Variants in BMPR1A observed in about 807,000 individuals in gnomAD.
BMPR1A encodes bone morphogenetic protein receptor type-1A.
In BMPR1A, 7 loss-of-function variants were observed where a neutral mutation model predicts 66.0. The observed-to-expected ratio is 0.11, with a 90% CI of 0.06 to 0.20. The LOEUF (loss-of-function observed/expected upper bound fraction) is 0.20, where lower values mean the gene tolerates loss of function less well. BMPR1A is among the 10% of genes least tolerant of loss of function. The pLI is 1.00. For synonymous variants in BMPR1A, 200 were observed against 229.7 expected (o/e 0.87, Z 1.17); for missense variants, 408 against 669.1 (o/e 0.61, Z 4.31).
intron 2 of BMPR1A, among the ~76,000 whole-genome samples, chr10:86,850,980 C>T (rs539911232): frequency 2.0e-5 from 3 of 152,210 alleles, no homozygotes; most frequent in Non-Finnish European, 2.9e-5. Flanking sequence ...GTAAACTTAG[C>T]GCTGAACTAT....
intron 7 of BMPR1A, 140 bp from the exon 8 acceptor site, chr10:86,912,100 G>C: frequency 1.1e-6 from 1 of 872,692 alleles, no homozygotes; most frequent in Non-Finnish European, 1.8e-6. Context: ...TATTTAACAG[G>C]ATATATTATC....
At chr10:86,860,880 C>T (rs1297949222) in intron 2 of BMPR1A, among the ~76,000 whole-genome samples, 2 of 148,818 alleles carry the variant, frequency 1.3e-5, no homozygotes, top group Admixed American at 6.6e-5. Flanking sequence ...CTCGCTCTGC[C>T]GCCCAGGCTG....
At chr10:86,854,342 C>T (rs1374012930) in intron 2 of BMPR1A, among the ~76,000 whole-genome samples, 1 of 152,162 alleles carries the variant, frequency 6.6e-6, no homozygotes, top group African/African-American at 2.4e-5. Flanking sequence ...TTACAGGGTC[C>T]TGAGGTGACA....
chr10:86,912,312 A>G lies in BMPR1A; in HGVS notation c.603A>G (p.Pro201=), dbSNP rs2133545231. ...RDLEQDEAFI[P]VGESLKDLID... Reference sequence around the variant, plus strand: ...TGGAACAGGATGAAGCATTTATTCCAGTTGGAGAATCACTAAAAGACCTTA... The same window carrying G: ...TGGAACAGGATGAAGCATTTATTCCGGTTGGAGAATCACTAAAAGACCTTA... The change falls in exon 8 of 13, where the codon CCA becomes CCG. Residue 201 remains proline, a synonymous_variant. Coordinates refer to ENST00000372037, the MANE Select transcript of BMPR1A (RefSeq NM_004329.3). 2 of 1,614,020 alleles carry G rather than the reference A, an allele frequency of 1.2e-6. No homozygotes were observed. Among genetic ancestry groups the G allele is most frequent in the East Asian group, 2.2e-5 (1 of 44,836 alleles).
At chr10:86,804,801 T>G (rs1040448313) in intron 1 of BMPR1A, among the ~76,000 whole-genome samples, 1 of 150,232 alleles carries the variant, frequency 6.7e-6, no homozygotes, top group Admixed American at 6.6e-5. Context: ...TGTTTTTTTT[T>G]TTTTTTTTTT....
At chr10:86,851,155 C>T (rs927387972) in intron 2 of BMPR1A, among the ~76,000 whole-genome samples, 39 of 152,230 alleles carry the variant, frequency 2.6e-4, no homozygotes, top group Admixed American at 1.0e-3. Flanking sequence ...ATTTTGGGAA[C>T]GAAGTTCTTG....
chr10:86,882,951 G>A (rs528857850), intron 3 of BMPR1A, among the ~76,000 whole-genome samples: 5 of 151,814 alleles, frequency 3.3e-5, no homozygotes, highest in East Asian at 1.9e-4. Flanking sequence ...CAACAGGAGC[G>A]AAAACGCCAT....
At chr10:86,761,289 CTTTTATAG>C (rs924122208) in intron 1 of BMPR1A, among the ~76,000 whole-genome samples, 25 of 152,194 alleles carry the variant, frequency 1.6e-4, no homozygotes, top group Middle Eastern at 3.4e-3. Context: ...CTTTGTTACT[CTTTTATAG>C]TTTTATATTT....
At chr10:86,759,162 A>G (rs893812049) in intron 1 of BMPR1A, among the ~76,000 whole-genome samples, 3 of 152,210 alleles carry the variant, frequency 2.0e-5, no homozygotes, top group Non-Finnish European at 4.4e-5. Context: ...CAGATTGTGA[A>G]GGATGAGCAA....
intron 1 of BMPR1A, among the ~76,000 whole-genome samples, chr10:86,833,046 G>A (rs118003213): frequency 1.5e-3 from 230 of 152,254 alleles, no homozygotes; most frequent in Non-Finnish European, 2.6e-3. Context: ...AGAGGTCAAG[G>A]CTGAAGTGAG....
At chr10:86,790,699 C>T (rs780563649) in intron 1 of BMPR1A, among the ~76,000 whole-genome samples, 39 of 152,020 alleles carry the variant, frequency 2.6e-4, no homozygotes, top group African/African-American at 4.8e-5. Flanking sequence ...CACAAAATAT[C>T]GTATGTTGTA....
At chr10:86,810,630 GTTTT>G (rs896210489) in intron 1 of BMPR1A, among the ~76,000 whole-genome samples, 1 of 152,112 alleles carries the variant, frequency 6.6e-6, no homozygotes, top group Admixed American at 6.5e-5. Flanking sequence ...ATTTTGTCGT[GTTTT>G]TTATTTGTGT....
chr10:86,766,149 G>C (rs983140656), intron 1 of BMPR1A, among the ~76,000 whole-genome samples: 1 of 151,958 alleles, frequency 6.6e-6, no homozygotes, highest in Non-Finnish European at 1.5e-5. Flanking sequence ...ACCATGCCCA[G>C]CTAATTAAAA....
chr10:86,888,932 A>AT (rs149443687), intron 3 of BMPR1A, among the ~76,000 whole-genome samples: 6,979 of 152,048 alleles, frequency 0.046, 206 homozygotes, highest in South Asian at 0.078. Context: ...CATATGTGAT[A>AT]TTTTTTGTCT....
At chr10:86,892,021 C>A in intron 4 of BMPR1A, 106 bp from the exon 5 acceptor site, 1 of 846,298 alleles carries the variant, frequency 1.2e-6, no homozygotes, top group Non-Finnish European at 1.9e-6. Context: ...AGTCACAAAA[C>A]AAAGTATTAA....
chr10:86,826,905 ATTTAAATTTTT>A (rs979488270), intron 1 of BMPR1A, among the ~76,000 whole-genome samples: 20 of 149,216 alleles, frequency 1.3e-4, no homozygotes, highest in African/African-American at 4.9e-4. Context: ...GTGGGCATAG[ATTTAAATTTTT>A]TTTAAATTGT....
At chr10:86,858,191 T>G (rs180712670) in intron 2 of BMPR1A, among the ~76,000 whole-genome samples, 1 of 152,200 alleles carries the variant, frequency 6.6e-6, no homozygotes, top group African/African-American at 2.4e-5. Context: ...AAGCACTTGA[T>G]GAAATTTAAC....
chr10:86,925,032 C>T lies in BMPR1A; in HGVS notation c.*1313C>T, dbSNP rs1189753425. 4.3e-6 allele frequency: 1 copy of T among 231,940 alleles called. No individual in the cohort carries two copies. The highest frequency in any genetic ancestry group is 8.5e-6 in the Non-Finnish European group (1 of 117,378). 14.4% of individuals were successfully genotyped at this position (231,940 alleles called of 1,614,324 possible). A position where few individuals can be genotyped will look rare whatever the true frequency, so the allele number is the denominator to read the frequency against. On this transcript the variant is annotated 3_prime_UTR_variant, in exon 13 of 13. Transcript: ENST00000372037. The stretch of plus-strand genomic sequence containing the variant: ...AAATTTATCAACTGTCAAATATGTT[C>T]TGGACAGCTAAATCATTTGAGATTT...
intron 1 of BMPR1A, among the ~76,000 whole-genome samples, chr10:86,785,445 A>G (rs1445276222): frequency 6.6e-6 from 1 of 152,180 alleles, no homozygotes. Context: ...AGCTGGGATT[A>G]TAGGCATGTG....
Sources: gnomAD v4.1 joint callset for allele counts (sites outside exome capture counted in the v4.1 genomes callset) on GRCh38, gnomAD v4.1.1 for gene constraint, MANE v1.5 for transcripts, NCBI Gene and HGNC (gene_info 2026-07-23, HGNC 2026-07-21) for gene names.